Variants in ARMC7 observed in about 807,000 individuals in gnomAD.
ARMC7 encodes the protein armadillo repeat-containing protein 7.
ARMC7 carries 9 observed loss-of-function variants against 14.8 expected under a neutral mutation model. The observed-to-expected ratio is 0.61, with a 90% CI of 0.37 to 1.06. The LOEUF (loss-of-function observed/expected upper bound fraction) is 1.06, where lower values mean the gene tolerates loss of function less well. ARMC7 is among the 50% of genes least tolerant of loss of function. ARMC7 has a pLI of 0.01. For missense variants in ARMC7, 262 were observed against 267.1 expected (o/e 0.98, Z 0.13); for synonymous variants, 125 against 123.4 (o/e 1.01, Z -0.09).
intron 2 of ARMC7, among the ~76,000 whole-genome samples, chr17:75,116,032 A>G (rs1231575787): frequency 6.6e-6 from 1 of 152,206 alleles, no homozygotes; most frequent in Non-Finnish European, 1.5e-5. Context: ...GGAATCACTC[A>G]TCTGCTCCAG....
chr17:75,117,771 G>A (rs954000775), intron 2 of ARMC7, among the ~76,000 whole-genome samples: 1 of 152,168 alleles, frequency 6.6e-6, no homozygotes, highest in Non-Finnish European at 1.5e-5. Flanking sequence ...AGTGCCAGGG[G>A]AATTGTTTGT....
Position 75,112,661 on chromosome 17 carries a change from G to A in ARMC7, c.235+2055G>A, listed in dbSNP as rs1331376142. On this transcript the variant is annotated intron_variant, in intron 2 of 2. Coordinates refer to ENST00000245543, the MANE Select transcript of ARMC7 (RefSeq NM_024585.4). ...TGTGATCATAGCTCACCATAAACTT[G>A]AACTCCTGGGCTCAAGCAGTCTTCC... is the stretch of plus-strand genomic sequence containing the variant. Among the ~76,000 whole-genome samples, 4 of 135,582 alleles carry A rather than the reference G, an allele frequency of 3.0e-5. No individual in the cohort carries two copies. In the Admixed American group the frequency reaches 3.2e-4, roughly 11 times the overall value. The allele number at this position is 135,582 out of a possible 152,430, so 88.9% of individuals were successfully genotyped here.
chr17:75,110,511 C>T lies in ARMC7; in HGVS notation c.140C>T (p.Pro47Leu), dbSNP rs754242847. The T allele has an allele frequency of 1.1e-5, 18 of 1,614,122 alleles. No individual in the cohort carries two copies. The Admixed American group carries it at 2.8e-4, about 25-fold the overall frequency. Reference protein sequence around the residue: ...LANLANFAYDPSNYEYLRQLQ... With the variant: ...LANLANFAYDLSNYEYLRQLQ... ...AACCTCGCCAACTTCGCTTATGACCCCAGCAACTACGAGTATCTGCGGCAG... is the reference window on the plus strand; with the variant it reads ...AACCTCGCCAACTTCGCTTATGACCTCAGCAACTACGAGTATCTGCGGCAG... The change falls in exon 2 of 3, where the codon CCC becomes CTC. Residue 47 changes from proline (P) to leucine (L), a missense_variant. Pro to Leu is a moderately conservative substitution (Grantham distance 98). Transcript: ENST00000245543.
At position 75,128,720 on chromosome 17, in the gene ARMC7, C is replaced by T. The variant is rs750693086; in HGVS notation, c.279C>T (p.His93=). The part of the protein sequence containing the change: ...NLCPDRANKE[H]ILHAGGVPLI... ...GCCCAGACAGGGCCAACAAGGAGCA[C>T]ATCCTGCACGCAGGAGGTGTCCCAC... is the stretch of plus-strand genomic sequence containing the variant. The change falls in exon 3 of 3, where the codon CAC becomes CAT. Residue 93 remains histidine (H), a synonymous_variant. Coordinates refer to ENST00000245543, the MANE Select transcript of ARMC7 (RefSeq NM_024585.4). The T allele has an allele frequency of 2.2e-5, 35 of 1,613,510 alleles. No individual in the cohort carries two copies. The Admixed American group carries it at 5.3e-4, about 25-fold the overall frequency.
At chr17:75,114,939 C>T in intron 2 of ARMC7, 2 of 382,610 alleles carry the variant, frequency 5.2e-6, no homozygotes, top group Non-Finnish European at 9.3e-6. Flanking sequence ...CCCCGACAGG[C>T]ACTTATTCTG....
rs114849846 is a variant in ARMC7 at position 75,128,543 on chromosome 17, C to T, written c.236-134C>T. ...TCTGGAAACTTGAGAAGGCAGGAGC[C>T]GGAATGGGCTTTGGATGCCTTGTGC... On this transcript the variant is annotated intron_variant, in intron 2 of 2. Transcript: ENST00000245543. 1.2e-3 allele frequency: 1,523 copies of T among 1,273,084 alleles called. 18 individuals carry two copies. The African/African-American group carries it at 0.02, about 17-fold the overall frequency. 78.9% of individuals were successfully genotyped at this position (1,273,084 alleles called of 1,614,324 possible).
At chr17:75,123,505 C>A (rs1231036268) in intron 2 of ARMC7, among the ~76,000 whole-genome samples, 2 of 151,906 alleles carry the variant, frequency 1.3e-5, no homozygotes, top group Non-Finnish European at 2.9e-5. Context: ...AGGTGCCCAC[C>A]ACCGTGCCCG....
At chr17:75,114,891 C>T (rs766436703) in intron 2 of ARMC7, 22 of 390,108 alleles carry the variant, frequency 5.6e-5, no homozygotes, top group Middle Eastern at 6.4e-4. Context: ...TTCTTACTGC[C>T]GTCGTTTCCC....
At position 75,119,452 on chromosome 17, in the gene ARMC7, TC is replaced by T. The variant is rs368539312; in HGVS notation, c.235+8847del. Among the ~76,000 whole-genome samples the T allele has an allele frequency of 7.9e-4, 111 of 141,170 alleles. 17 individuals carry two copies. The highest frequency in any genetic ancestry group is 1.6e-3 in the East Asian group (8 of 5,044). 92.6% of individuals were successfully genotyped at this position (141,170 alleles called of 152,430 possible). A position where few individuals can be genotyped will look rare whatever the true frequency, so the allele number is the denominator to read the frequency against. On this transcript the variant is annotated intron_variant, in intron 2 of 2. Transcript: ENST00000245543. ...GAAAATACCCTGTGATACAGTTTTT[TC>T]TTTTTTTTTTTTTGAGACGGAGTTT...
chr17:75,121,665 C>T (rs543720145), intron 2 of ARMC7, among the ~76,000 whole-genome samples: 21 of 152,286 alleles, frequency 1.4e-4, no homozygotes, highest in African/African-American at 4.3e-4. Flanking sequence ...CCACCCTCCT[C>T]GGCCTCCCAA....
intron 2 of ARMC7, among the ~76,000 whole-genome samples, chr17:75,119,230 A>G (rs1446566601): frequency 6.6e-6 from 1 of 152,174 alleles, no homozygotes; most frequent in Admixed American, 6.6e-5. Flanking sequence ...GTGTCTTGAA[A>G]ATGGCTCCTT....
chr17:75,120,330 C>T (rs1481115261), intron 2 of ARMC7, among the ~76,000 whole-genome samples: 4 of 152,182 alleles, frequency 2.6e-5, no homozygotes, highest in African/African-American at 7.2e-5. Flanking sequence ...CCTGAGTCTC[C>T]GGCTTTCTCA....
chr17:75,127,911 C>T (rs1031436076), intron 2 of ARMC7, among the ~76,000 whole-genome samples: 1 of 152,098 alleles, frequency 6.6e-6, no homozygotes, highest in Admixed American at 6.6e-5. Context: ...AGTATTTTAA[C>T]AGTTTTATTG....
chr17:75,126,734 A>G (rs574519356), intron 2 of ARMC7, among the ~76,000 whole-genome samples: 39 of 152,120 alleles, frequency 2.6e-4, no homozygotes, highest in African/African-American at 4.6e-4. Flanking sequence ...GGTGTGCTCA[A>G]CCATGCCCCG....
chr17:75,110,346 C>G lies in ARMC7; in HGVS notation c.58C>G (p.Leu20Val). ...CGGGCGGCTGGGATACCTGCAGGCG[C>G]TGGTCACGGAATTCCAGGAGACCCA... ...HVGRLGYLQA[L>V]VTEFQETQSQ... The change falls in exon 1 of 3, where the codon CTG becomes GTG. Residue 20 changes from leucine to valine, a missense_variant. By Grantham distance (32) the Leu-to-Val change is conservative. Coordinates refer to ENST00000245543, the MANE Select transcript of ARMC7 (RefSeq NM_024585.4). 6.2e-7 allele frequency: 1 copy of G among 1,614,070 alleles called. No individual in the cohort carries two copies. The highest frequency in any genetic ancestry group is 8.5e-7 in the Non-Finnish European group (1 of 1,180,038).
chr17:75,115,619 G>C (rs1407645515), intron 2 of ARMC7, among the ~76,000 whole-genome samples: 2 of 152,118 alleles, frequency 1.3e-5, no homozygotes, highest in African/African-American at 4.8e-5. Context: ...CATTCTGGGA[G>C]GCTGAAGCAA....
Position 75,129,195 on chromosome 17 carries a change from C to A in ARMC7, c.*157C>A. On this transcript the variant is annotated 3_prime_UTR_variant, in exon 3 of 3. Transcript: ENST00000245543. ...AGGACAGGCATTTACACTGATGAAA[C>A]GCCACTGGGAGTGAGGAAGCCAGAC... 2 of 1,065,732 alleles carry A rather than the reference C, an allele frequency of 1.9e-6. No individual in the cohort carries two copies. The highest frequency in any genetic ancestry group is 2.6e-6 in the Non-Finnish European group (2 of 764,896). The allele number at this position is 1,065,732 out of a possible 1,614,324, so 66.0% of individuals were successfully genotyped here.
At chr17:75,126,529 A>T (rs2074052362) in intron 2 of ARMC7, among the ~76,000 whole-genome samples, 1 of 152,136 alleles carries the variant, frequency 6.6e-6, no homozygotes, top group Non-Finnish European at 1.5e-5. Context: ...CTGCATAGCC[A>T]TGAATGTGAA....
intron 2 of ARMC7, among the ~76,000 whole-genome samples, chr17:75,116,775 T>C (rs747846585): frequency 1.3e-5 from 2 of 152,204 alleles, no homozygotes; most frequent in Non-Finnish European, 2.9e-5. Flanking sequence ...TCCAAATTGC[T>C]CATTTTATCA....
Sources: allele counts gnomAD v4.1 joint callset (sites outside exome capture counted in the v4.1 genomes callset), GRCh38; gene constraint gnomAD v4.1.1; transcripts MANE v1.5; gene names NCBI Gene and HGNC (gene_info 2026-07-23, HGNC 2026-07-21).